The following HRH4 variants were observed in gnomAD, a reference collection of about 807,000 sequenced individuals.
HRH4 encodes the protein histamine receptor H4, also known as histamine H4 receptor.
A neutral mutation model predicts 10.4 loss-of-function variants in HRH4; 12 were observed. The observed-to-expected ratio is 1.15, with a 90% CI of 0.74 to 1.87. The LOEUF (loss-of-function observed/expected upper bound fraction) is 1.87. Ranked by LOEUF, HRH4 falls within the 40% of genes most tolerant of loss-of-function variation. The probability of loss-of-function intolerance (pLI) is 0.00; values close to 1 mark genes in which losing one functional copy is unlikely to be tolerated. For missense variants in HRH4, 415 were observed against 453.3 expected, an observed-to-expected ratio of 0.92 and a Z score of 0.77; for synonymous variants, 154 against 166.6, an observed-to-expected ratio of 0.92 and a Z score of 0.58.
chr18:24,469,276 G>A, intron 2 of HRH4, among the ~76,000 whole-genome samples: 1 of 152,174 alleles, frequency 6.6e-6, no homozygotes, highest in Non-Finnish European at 1.5e-5. Flanking sequence ...CAGACATATG[G>A]AGTATATGAC....
intron 2 of HRH4, among the ~76,000 whole-genome samples, chr18:24,471,649 A>C (rs1471260268): frequency 6.6e-6 from 1 of 151,496 alleles, no homozygotes; most frequent in African/African-American, 2.4e-5. Context: ...GTAATAGAAC[A>C]AAATAAAAAA....
chr18:24,460,917 T>C lies in HRH4; in HGVS notation c.189T>C (p.Phe63=), dbSNP rs1348844655. 1 of 1,552,232 alleles carries C rather than the reference T, an allele frequency of 6.4e-7. No individual in the cohort carries two copies. The highest frequency in any genetic ancestry group is 8.8e-7 in the Non-Finnish European group (1 of 1,136,502). ...TTAACTTGGCCATCTCTGACTTCTTTGTGGGTAAGTTATATGTCTTTATTT... is the reference window on the plus strand; with the variant it reads ...TTAACTTGGCCATCTCTGACTTCTTCGTGGGTAAGTTATATGTCTTTATTT... The part of the protein sequence containing the change: ...FFLNLAISDF[F]VGVISIPLYI... Residue 63 remains phenylalanine, a synonymous_variant, in exon 1 of 3, where the codon TTT becomes TTC. Transcript: ENST00000256906.
In HRH4 at chr18:24,468,923, A is replaced by G; in HGVS notation, c.329A>G (p.Tyr110Cys). 1.2e-6 allele frequency: 2 copies of G among 1,610,626 alleles called. No homozygotes were observed. The highest frequency in any genetic ancestry group is 1.7e-6 in the Non-Finnish European group (2 of 1,178,608). The change falls in exon 2 of 3, where the codon TAT becomes TGT. Residue 110 changes from tyrosine to cysteine, a missense_variant. Tyr to Cys is a radical substitution (Grantham distance 194, BLOSUM62 -2). Transcript: ENST00000256906. ...GTATATAACATTGTCCTCATCAGCTATGATCGATACCTGTCAGTCTCAAAT... is the reference window on the plus strand; with the variant it reads ...GTATATAACATTGTCCTCATCAGCTGTGATCGATACCTGTCAGTCTCAAAT... ...ASVYNIVLIS[Y>C]DRYLSVSNAV...
chr18:24,465,871 G>A (rs1003592152), intron 1 of HRH4, among the ~76,000 whole-genome samples: 2 of 152,036 alleles, frequency 1.3e-5, no homozygotes, highest in African/African-American at 2.4e-5. Context: ...ATCAGAAAGC[G>A]TGTGACAAAG....
intron 2 of HRH4, among the ~76,000 whole-genome samples, chr18:24,470,335 T>G (rs953087541): frequency 2.0e-5 from 3 of 152,144 alleles, no homozygotes; most frequent in Non-Finnish European, 4.4e-5. Flanking sequence ...AAGAGCCAGA[T>G]AGCAAATAAT....
intron 2 of HRH4, among the ~76,000 whole-genome samples, chr18:24,471,046 G>C (rs556977915): frequency 6.6e-6 from 1 of 151,502 alleles, no homozygotes; most frequent in African/African-American, 2.4e-5. Context: ...AACTCTAGTC[G>C]AGCCACCACA....
At chr18:24,470,753 C>A (rs1309832749) in intron 2 of HRH4, among the ~76,000 whole-genome samples, 1 of 151,494 alleles carries the variant, frequency 6.6e-6, no homozygotes, top group African/African-American at 2.4e-5. Flanking sequence ...ATCCACCTGC[C>A]TCTGCCTCCC....
chr18:24,467,317 C>T lies in HRH4; in HGVS notation c.194-1471C>T, dbSNP rs188391576. ...TGTAGGAAATACAAAGATTGATTTG[C>T]GATATGACCCTAATCCTCAGGAGAG... On this transcript the variant is annotated intron_variant, in intron 1 of 2. Transcript: ENST00000256906. Among the ~76,000 whole-genome samples, 67 of 152,146 alleles carry T rather than the reference C, an allele frequency of 4.4e-4. No homozygotes were observed. The East Asian group carries it at 7.7e-3, about 18-fold the overall frequency.
At chr18:24,462,043 G>A (rs537015657) in intron 1 of HRH4, among the ~76,000 whole-genome samples, 1 of 152,162 alleles carries the variant, frequency 6.6e-6, no homozygotes, top group Non-Finnish European at 1.5e-5. Context: ...GATAAAGCAC[G>A]TTTAGTTAGC....
At position 24,478,273 on chromosome 18, in the gene HRH4, C is replaced by T. The variant is rs1480024368; in HGVS notation, c.*711C>T. On this transcript the variant is annotated 3_prime_UTR_variant, in exon 3 of 3. Coordinates refer to ENST00000256906, the MANE Select transcript of HRH4 (RefSeq NM_021624.4). ...TGTTCTCTTTTTCTAGCTTCCACAT[C>T]AGCTTCCTTTTTTGAGAACATATAG... The T allele has an allele frequency of 6.6e-6, 1 of 152,236 alleles. No homozygotes were observed. Among genetic ancestry groups the T allele is most frequent in the Non-Finnish European group, 1.5e-5 (1 of 68,068 alleles). The allele number at this position is 152,236 out of a possible 1,614,324, so 9.4% of individuals were successfully genotyped here. A position where few individuals can be genotyped will look rare whatever the true frequency, so the allele number is the denominator to read the frequency against.
rs959051733 is a variant in HRH4, at chr18:24,477,655, G to T, written c.*93G>T. The stretch of plus-strand genomic sequence containing the variant: ...TCTTGCCCTTTTCATTCTACCAACA[G>T]ATCTGCACTTTGAAGTCAATGGTAA... On this transcript the variant is annotated 3_prime_UTR_variant, in exon 3 of 3. Coordinates refer to ENST00000256906, the MANE Select transcript of HRH4 (RefSeq NM_021624.4). 7 of 788,780 alleles carry T rather than the reference G, an allele frequency of 8.9e-6. No homozygotes were observed. Among genetic ancestry groups the T allele is most frequent in the Non-Finnish European group, 1.4e-5 (7 of 506,428 alleles). 48.9% of individuals were successfully genotyped at this position (788,780 alleles called of 1,614,324 possible).
rs146208374 is a variant in HRH4, at chr18:24,460,699, C to G, written c.-30C>G. 19 of 1,421,990 alleles carry G rather than the reference C, an allele frequency of 1.3e-5. No individual in the cohort carries two copies. The Middle Eastern group carries it at 7.0e-4, about 52-fold the overall frequency. 88.1% of individuals were successfully genotyped at this position (1,421,990 alleles called of 1,614,324 possible). A position where few individuals can be genotyped will look rare whatever the true frequency, so the allele number is the denominator to read the frequency against. On this transcript the variant is annotated 5_prime_UTR_variant, in exon 1 of 3. Coordinates refer to ENST00000256906, the MANE Select transcript of HRH4 (RefSeq NM_021624.4). ...AGAATTGTCTGGCTGGATTAATTTG[C>G]TAATTTGACCTTCTTCATCATTTGA...
At position 24,466,287 on chromosome 18, in the gene HRH4, AT is replaced by A. The variant is rs398032181; in HGVS notation, c.194-2485del. Among the ~76,000 whole-genome samples the A allele has an allele frequency of 2.2e-3, 289 of 129,184 alleles. 1 individual carries two copies. The East Asian group carries it at 0.032, about 14-fold the overall frequency. The allele number at this position is 129,184 out of a possible 152,430, so 84.7% of individuals were successfully genotyped here. On this transcript the variant is annotated intron_variant, in intron 1 of 2. Coordinates refer to ENST00000256906, the MANE Select transcript of HRH4 (RefSeq NM_021624.4). ...GCCACCATGTCCAGCTAATTTTTGT[AT>A]TTTTTTTTTTTTTTTGTAGAAATAG...
In HRH4 at chr18:24,477,607, A is replaced by G. The variant is rs1406461572; in HGVS notation, c.*45A>G. 1.5e-6 allele frequency: 2 copies of G among 1,337,056 alleles called. No homozygotes were observed. Among genetic ancestry groups the G allele is most frequent in the Admixed American group, 2.2e-5 (1 of 44,446 alleles). The allele number at this position is 1,337,056 out of a possible 1,614,324, so 82.8% of individuals were successfully genotyped here. A position where few individuals can be genotyped will look rare whatever the true frequency, so the allele number is the denominator to read the frequency against. ...GTAAATTTTAGTCTCAATCTCACCT[A>G]AATGAATCAGGTCTGCCCTTTATCT... On this transcript the variant is annotated 3_prime_UTR_variant, in exon 3 of 3. Transcript: ENST00000256906.
chr18:24,477,389 G>GTTT lies in HRH4; in HGVS notation c.1000_1001insTTT (p.Gly334delinsValCys), dbSNP rs1428024989. The stretch of plus-strand genomic sequence containing the variant: ...CCTTTCATTTTATTCCTCAGCAACA[G>GTTT]GTCCTAAATCAGTTTGGTATAGAAT... On this transcript the variant is annotated protein_altering_variant, in exon 3 of 3. Coordinates refer to ENST00000256906, the MANE Select transcript of HRH4 (RefSeq NM_021624.4). 1.2e-6 allele frequency: 2 copies of GTTT among 1,614,010 alleles called. No homozygotes were observed. The highest frequency in any genetic ancestry group is 1.3e-5 in the African/African-American group (1 of 75,028).
In HRH4 at chr18:24,467,225, T is replaced by G. The variant is rs185536240; in HGVS notation, c.194-1563T>G. Reference sequence around the variant, plus strand: ...AGCACAGGGTCTGCCATATGGTAATTGTATAAGACATATTAGCTGTTACTA... The same window carrying G: ...AGCACAGGGTCTGCCATATGGTAATGGTATAAGACATATTAGCTGTTACTA... On this transcript the variant is annotated intron_variant, in intron 1 of 2. Transcript: ENST00000256906. Among the ~76,000 whole-genome samples, 185 of 152,324 alleles carry G rather than the reference T, an allele frequency of 1.2e-3. 1 individual carries two copies. The highest frequency in any genetic ancestry group is 1.7e-3 in the Non-Finnish European group (116 of 68,032).
chr18:24,473,312 C>A (rs1232976965), intron 2 of HRH4, among the ~76,000 whole-genome samples: 2 of 152,120 alleles, frequency 1.3e-5, no homozygotes, highest in Non-Finnish European at 1.5e-5. Flanking sequence ...TTTGCTGGAG[C>A]TACCAAAACA....
chr18:24,473,369 C>G (rs1910033507), intron 2 of HRH4, among the ~76,000 whole-genome samples: 1 of 152,154 alleles, frequency 6.6e-6, no homozygotes, highest in African/African-American at 2.4e-5. Flanking sequence ...TATTCTGTCA[C>G]TGTTCTGGAG....
intron 2 of HRH4, among the ~76,000 whole-genome samples, chr18:24,471,325 C>A (rs773077636): frequency 2.8e-4 from 42 of 151,616 alleles, no homozygotes; most frequent in Admixed American, 1.8e-3. Flanking sequence ...AATAGAACAG[C>A]TGAGCATGTT....
Sources: gnomAD v4.1 joint callset for allele counts (sites outside exome capture counted in the v4.1 genomes callset) on GRCh38, gnomAD v4.1.1 for gene constraint, MANE v1.5 for transcripts, NCBI Gene and HGNC (gene_info 2026-07-23, HGNC 2026-07-21) for gene names.